STRBP: variants seen among roughly 807,000 people sequenced by gnomAD.
STRBP encodes spermatid perinuclear RNA-binding protein.
A neutral mutation model predicts 80.1 loss-of-function variants in STRBP; 13 were observed. That is an observed-to-expected ratio of 0.16 (90% CI 0.11 to 0.26). STRBP has a LOEUF of 0.26. Among genes scored for constraint, STRBP ranks in the 10% least tolerant of loss-of-function variants. The probability of loss-of-function intolerance (pLI) is 1.00; values close to 1 mark genes in which losing one functional copy is unlikely to be tolerated. For synonymous variants in STRBP, 284 were observed against 291.2 expected, an observed-to-expected ratio of 0.98 and a Z score of 0.25; for missense variants, 485 against 815.2, an observed-to-expected ratio of 0.59 and a Z score of 4.93.
intron 1 of STRBP, among the ~76,000 whole-genome samples, chr9:123,244,551 A>T (rs1009811343): frequency 3.3e-5 from 5 of 152,212 alleles, no homozygotes; most frequent in Non-Finnish European, 7.3e-5. Context: ...GTCATGAGGG[A>T]AGAAGGTATA....
At chr9:123,208,338 TC>T (rs934234798) in intron 2 of STRBP, among the ~76,000 whole-genome samples, 7 of 152,312 alleles carry the variant, frequency 4.6e-5, no homozygotes, top group African/African-American at 1.7e-4. Context: ...CCAGGATGTT[TC>T]CCAAGTCCTG....
chr9:123,174,601 T>C (rs1305852248), intron 4 of STRBP, among the ~76,000 whole-genome samples: 2 of 152,210 alleles, frequency 1.3e-5, no homozygotes, highest in Non-Finnish European at 2.9e-5. Flanking sequence ...GTAAAATGAC[T>C]ATTGGCTAGA....
chr9:123,193,877 A>G (rs2039007563), intron 2 of STRBP, among the ~76,000 whole-genome samples: 2 of 152,214 alleles, frequency 1.3e-5, no homozygotes, highest in African/African-American at 4.8e-5. Flanking sequence ...ACCATTAAAT[A>G]TAACTAAGAA....
chr9:123,156,384 G>A (rs1210710480), intron 11 of STRBP, among the ~76,000 whole-genome samples: 3 of 151,844 alleles, frequency 2.0e-5, no homozygotes, highest in African/African-American at 2.4e-5. Context: ...TAATCATAGG[G>A]TAGAATCTGG....
At chr9:123,193,893 A>G (rs1418671724) in intron 2 of STRBP, among the ~76,000 whole-genome samples, 1 of 152,240 alleles carries the variant, frequency 6.6e-6, no homozygotes, top group African/African-American at 2.4e-5. Context: ...AAGAAAAAAA[A>G]GTATCACATA....
intron 8 of STRBP, 63 bp downstream of exon 8, chr9:123,160,304 T>C: frequency 8.1e-7 from 1 of 1,239,562 alleles, no homozygotes; most frequent in Non-Finnish European, 1.1e-6. Context: ...TAACATCTCA[T>C]TTCTACAGGA....
chr9:123,252,634 A>G (rs1310492265), intron 1 of STRBP, among the ~76,000 whole-genome samples: 1 of 152,250 alleles, frequency 6.6e-6, no homozygotes, highest in African/African-American at 2.4e-5. Context: ...TCACAAGGTC[A>G]CTGTCAAAAA....
At position 123,244,943 on chromosome 9, in the gene STRBP, C is replaced by T. The variant is rs117925603; in HGVS notation, c.-301-7977G>A. Among the ~76,000 whole-genome samples the T allele has an allele frequency of 9.8e-3, 1,495 of 152,282 alleles. 7 individuals carry two copies. The highest frequency in any genetic ancestry group is 0.015 in the Non-Finnish European group (1,023 of 68,016). ...TGAATGACTAAACTGTGATACTTCC[C>T]TACCTACCATGGAATACTACTTAAC... On this transcript the variant is annotated intron_variant, in intron 1 of 18. Transcript: ENST00000348403.
chr9:123,209,169 C>A (rs998660064), intron 2 of STRBP, among the ~76,000 whole-genome samples: 1 of 152,164 alleles, frequency 6.6e-6, no homozygotes, highest in Non-Finnish European at 1.5e-5. Flanking sequence ...GAACTAGTTA[C>A]CCATAATACT....
intron 2 of STRBP, among the ~76,000 whole-genome samples, chr9:123,196,633 G>A (rs996292049): frequency 6.6e-6 from 1 of 152,068 alleles, no homozygotes; most frequent in Admixed American, 6.5e-5. Flanking sequence ...TGTATGAAAT[G>A]GTACTCAACA....
intron 17 of STRBP, among the ~76,000 whole-genome samples, chr9:123,132,324 AAAC>A (rs2036168525): frequency 6.6e-6 from 1 of 152,194 alleles, no homozygotes; most frequent in Non-Finnish European, 1.5e-5. Flanking sequence ...ATTAAATTAA[AAAC>A]AATTTAATAG....
chr9:123,134,569 T>C (rs963910374), intron 16 of STRBP, among the ~76,000 whole-genome samples: 2 of 152,208 alleles, frequency 1.3e-5, no homozygotes, highest in South Asian at 2.1e-4. Context: ...TTATAGCTTA[T>C]AGTATGGAAA....
chr9:123,236,777 T>A (rs916109367), intron 2 of STRBP, 53 bp downstream of exon 2: 10 of 152,174 alleles, frequency 6.6e-5, no homozygotes, highest in Non-Finnish European at 1.0e-4. Flanking sequence ...ACCACCTATG[T>A]CTCGATTTTC....
intron 2 of STRBP, among the ~76,000 whole-genome samples, chr9:123,186,134 G>A (rs1238351576): frequency 2.6e-5 from 4 of 151,774 alleles, no homozygotes; most frequent in African/African-American, 4.8e-5. Flanking sequence ...CTTGAGCCTA[G>A]GAGTTTAAGA....
intron 1 of STRBP, among the ~76,000 whole-genome samples, chr9:123,264,924 T>C (rs2041236920): frequency 6.6e-6 from 1 of 152,182 alleles, no homozygotes; most frequent in Admixed American, 6.5e-5. Flanking sequence ...AATGGCTATG[T>C]TGGAGAGAAC....
chr9:123,145,059 G>A (rs1036603538), intron 13 of STRBP, among the ~76,000 whole-genome samples: 2 of 152,162 alleles, frequency 1.3e-5, no homozygotes, highest in Non-Finnish European at 2.9e-5. Context: ...AAATTTACTA[G>A]TTACTGCACA....
At chr9:123,226,530 G>T (rs1468286297) in intron 2 of STRBP, among the ~76,000 whole-genome samples, 1 of 152,140 alleles carries the variant, frequency 6.6e-6, no homozygotes, top group African/African-American at 2.4e-5. Context: ...GAAAAGAGAA[G>T]ATTGGGAAAG....
intron 2 of STRBP, 58 bp downstream of exon 2, chr9:123,236,772 C>T (rs751222538): frequency 6.6e-5 from 10 of 152,146 alleles, no homozygotes; most frequent in Non-Finnish European, 1.5e-4. Flanking sequence ...GTTTAACCAC[C>T]TATGTCTCGA....
At chr9:123,165,949 A>T (rs2037740300) in intron 6 of STRBP, among the ~76,000 whole-genome samples, 3 of 152,220 alleles carry the variant, frequency 2.0e-5, no homozygotes, top group Admixed American at 2.0e-4. Flanking sequence ...TACTTGAGCT[A>T]TGAGATGCCC....
Sources: gnomAD v4.1 joint callset for allele counts (sites outside exome capture counted in the v4.1 genomes callset) on GRCh38, gnomAD v4.1.1 for gene constraint, MANE v1.5 for transcripts, NCBI Gene and HGNC (gene_info 2026-07-23, HGNC 2026-07-21) for gene names.